INSC: variants seen among roughly 807,000 people sequenced by gnomAD.
INSC encodes the protein INSC spindle orientation adaptor protein.
Under a neutral mutation model 58.6 loss-of-function variants are expected in INSC, and 67 were observed. That is an observed-to-expected ratio of 1.14 (90% CI 0.94 to 1.40). The LOEUF is 1.40. INSC is among the 40% of genes most tolerant of loss of function. The pLI is 0.00. For synonymous variants in INSC, 262 were observed against 276.1 expected (o/e 0.95, Z 0.51); for missense variants, 714 against 692.0 (o/e 1.03, Z -0.36).
chr11:15,184,114 A>G (rs904504716), intron 5 of INSC, among the ~76,000 whole-genome samples: 1 of 152,184 alleles, frequency 6.6e-6, no homozygotes, highest in African/African-American at 2.4e-5. Context: ...TTTAATATAT[A>G]TGTACCTATT....
chr11:15,204,042 C>T (rs1850700044), intron 7 of INSC, among the ~76,000 whole-genome samples: 1 of 152,220 alleles, frequency 6.6e-6, no homozygotes. Context: ...AAAATATTTA[C>T]TCTCTGGCCA....
intron 2 of INSC, 145 bp downstream of exon 2, chr11:15,149,375 T>A: frequency 1.3e-6 from 1 of 780,630 alleles, no homozygotes; most frequent in East Asian, 3.2e-5. Context: ...GTATTGGGGA[T>A]GTCATGTTCA....
At chr11:15,247,870 A>AAAC (rs1852608778), downstream of INSC, among the ~76,000 whole-genome samples, 1 of 152,142 alleles carries the variant, frequency 6.6e-6, no homozygotes, top group Non-Finnish European at 1.5e-5. Flanking sequence ...AAATATTGGG[A>AAAC]AACTATCAAG....
chr11:15,266,798 T>A, the INSC span, among the ~76,000 whole-genome samples: 1 of 151,942 alleles, frequency 6.6e-6, no homozygotes, highest in Non-Finnish European at 1.5e-5. Flanking sequence ...TAACATCCAA[T>A]CCACTTTCCC....
intron 10 of INSC, among the ~76,000 whole-genome samples, chr11:15,237,952 CA>C (rs1289569743): frequency 1.3e-5 from 2 of 152,110 alleles, no homozygotes; most frequent in Non-Finnish European, 2.9e-5. Context: ...GGCAACAAAA[CA>C]AAGCAAAACT....
the INSC span, among the ~76,000 whole-genome samples, chr11:15,268,215 A>T: frequency 6.6e-6 from 1 of 152,036 alleles, no homozygotes; most frequent in Non-Finnish European, 1.5e-5. Flanking sequence ...CCAAGATTTC[A>T]ATTGCTTCAG....
upstream of INSC, chr11:15,112,646 G>GA (rs1847596111): frequency 3.2e-6 from 1 of 313,366 alleles, no homozygotes; most frequent in Non-Finnish European, 4.9e-6. Flanking sequence ...GTATTGGGAA[G>GA]TGGGGGGGGG....
At chr11:15,152,450 T>C (rs577432453) in intron 2 of INSC, among the ~76,000 whole-genome samples, 31 of 152,302 alleles carry the variant, frequency 2.0e-4, no homozygotes, top group African/African-American at 7.2e-4. Context: ...AAGCCCAACA[T>C]CAACAGTAAA....
chr11:15,152,110 T>C (rs960526549), intron 2 of INSC, among the ~76,000 whole-genome samples: 3 of 152,210 alleles, frequency 2.0e-5, no homozygotes, highest in African/African-American at 7.2e-5. Flanking sequence ...CAAGAGGTCA[T>C]AGGTTGAGTT....
At chr11:15,143,807 A>C (rs922384306) in intron 1 of INSC, among the ~76,000 whole-genome samples, 5 of 152,174 alleles carry the variant, frequency 3.3e-5, no homozygotes, top group Non-Finnish European at 7.3e-5. Context: ...GATAAGTCTC[A>C]GGCAAGACAT....
intron 2 of INSC, 31 bp downstream of exon 2, chr11:15,149,261 G>A (rs12222688): frequency 0.28 from 411,097 of 1,493,628 alleles, 58,373 homozygotes; most frequent in Non-Finnish European, 0.29. Flanking sequence ...TCCAGGCCAG[G>A]CCTGCCCCAT....
At chr11:15,187,906 A>C (rs919892518) in intron 5 of INSC, among the ~76,000 whole-genome samples, 3 of 152,142 alleles carry the variant, frequency 2.0e-5, no homozygotes, top group East Asian at 3.9e-4. Context: ...AGACTGTGTC[A>C]GTTTGAGGCC....
chr11:15,181,133 G>T (rs1395963291), intron 5 of INSC, among the ~76,000 whole-genome samples: 1 of 152,118 alleles, frequency 6.6e-6, no homozygotes, highest in Non-Finnish European at 1.5e-5. Context: ...TCTTCCAAAA[G>T]GTCCTCAAGC....
chr11:15,129,116 C>T (rs948554314), intron 1 of INSC, among the ~76,000 whole-genome samples: 1 of 152,148 alleles, frequency 6.6e-6, no homozygotes, highest in Non-Finnish European at 1.5e-5. Flanking sequence ...CAGTCAAGAA[C>T]GACTGGACAT....
At chr11:15,174,748 C>T (rs536342653) in intron 2 of INSC, among the ~76,000 whole-genome samples, 2 of 152,324 alleles carry the variant, frequency 1.3e-5, no homozygotes, top group East Asian at 3.9e-4. Flanking sequence ...TCAAGCTTTA[C>T]TTTTAATTGA....
chr11:15,134,895 A>G (rs1255615508), intron 1 of INSC, among the ~76,000 whole-genome samples: 2 of 151,660 alleles, frequency 1.3e-5, no homozygotes, highest in African/African-American at 4.9e-5. Context: ...TTGCTTTGGC[A>G]TCACTCAACA....
At chr11:15,239,121 G>C (rs779292569) in intron 11 of INSC, 47 bp downstream of exon 11, 33 of 1,577,012 alleles carry the variant, frequency 2.1e-5, no homozygotes, top group Non-Finnish European at 2.6e-5. Context: ...GGGGGTATTG[G>C]GGGTGGGAGC....
chr11:15,202,135 G>A (rs1850617702), intron 7 of INSC, among the ~76,000 whole-genome samples: 1 of 152,100 alleles, frequency 6.6e-6, no homozygotes. Flanking sequence ...TTTGCCTAAG[G>A]TGACAGAGCA....
At chr11:15,247,815 G>A (rs1945600), downstream of INSC, among the ~76,000 whole-genome samples, 41,578 of 148,446 alleles carry the variant, frequency 0.28, 6,001 homozygotes, top group African/African-American at 0.32. Flanking sequence ...GATATCAACA[G>A]ACAACTTTTG....
Sources: gnomAD v4.1 joint callset for allele counts (sites outside exome capture counted in the v4.1 genomes callset) on GRCh38, gnomAD v4.1.1 for gene constraint, MANE v1.5 for transcripts, NCBI Gene and HGNC (gene_info 2026-07-23, HGNC 2026-07-21) for gene names.